CHN2: variants seen among roughly 807,000 people sequenced by gnomAD.
CHN2 encodes beta-chimaerin.
CHN2 carries 35 observed loss-of-function variants against 56.3 expected under a neutral mutation model. The observed-to-expected ratio is 0.62, with a 90% confidence interval of 0.47 to 0.82. The LOEUF (loss-of-function observed/expected upper bound fraction) is 0.82. Among genes scored for constraint, CHN2 ranks in the 40% least tolerant of loss-of-function variants. The pLI is 0.00. For missense variants in CHN2, 491 were observed against 580.5 expected, an observed-to-expected ratio of 0.85 and a Z score of 1.58; for synonymous variants, 210 against 212.8, an observed-to-expected ratio of 0.99 and a Z score of 0.12.
chr7:29,339,972 TATATA>T (rs1796918133), intron 1 of CHN2, among the ~76,000 whole-genome samples: 1 of 152,160 alleles, frequency 6.6e-6, no homozygotes, highest in Admixed American at 6.5e-5. Flanking sequence ...CAGCTGCTCT[TATATA>T]ATGTGAAAGT....
At chr7:29,431,154 A>C (rs1223728716) in intron 6 of CHN2, among the ~76,000 whole-genome samples, 1 of 152,158 alleles carries the variant, frequency 6.6e-6, no homozygotes, top group Non-Finnish European at 1.5e-5. Context: ...TAAAACGCTT[A>C]CATTTAGGGA....
chr7:29,468,140 G>A (rs1489291798), intron 6 of CHN2, among the ~76,000 whole-genome samples: 1 of 57,608 alleles, frequency 1.7e-5, no homozygotes, highest in Non-Finnish European at 3.5e-5. Context: ...AAACGGACCC[G>A]CCCCCCCCCC....
At chr7:29,311,105 C>T (rs1025678773) in intron 1 of CHN2, among the ~76,000 whole-genome samples, 3 of 152,180 alleles carry the variant, frequency 2.0e-5, no homozygotes, top group African/African-American at 7.2e-5. Context: ...GTCTCCGAGC[C>T]TTGTAGATTC....
At chr7:29,346,098 G>C (rs1022806081) in intron 1 of CHN2, among the ~76,000 whole-genome samples, 5 of 152,050 alleles carry the variant, frequency 3.3e-5, no homozygotes, top group Non-Finnish European at 7.4e-5. Context: ...AGCAAGCAAG[G>C]TCTCTAACAG....
intron 3 of CHN2, among the ~76,000 whole-genome samples, chr7:29,369,580 G>A (rs1263905908): frequency 5.9e-5 from 9 of 152,118 alleles, no homozygotes; most frequent in South Asian, 2.1e-4. Context: ...ATGTATGTGC[G>A]TGTGAAAGAG....
At chr7:29,429,298 G>A (rs1330756434) in intron 6 of CHN2, among the ~76,000 whole-genome samples, 1 of 152,200 alleles carries the variant, frequency 6.6e-6, no homozygotes, top group African/African-American at 2.4e-5. Flanking sequence ...ATTTAACCAA[G>A]TAAGTAAAAG....
chr7:29,438,343 C>T (rs1189572771), intron 6 of CHN2, among the ~76,000 whole-genome samples: 1 of 152,210 alleles, frequency 6.6e-6, no homozygotes, highest in Non-Finnish European at 1.5e-5. Flanking sequence ...TATTTGGCAA[C>T]TCAAAGGCTG....
chr7:29,302,267 C>T (rs1383797311), intron 1 of CHN2, among the ~76,000 whole-genome samples: 1 of 81,296 alleles, frequency 1.2e-5, no homozygotes, highest in Admixed American at 1.2e-4. Context: ...CTGCTTCTCC[C>T]TCTTCTTCCT....
chr7:29,415,544 T>G (rs767337190), intron 6 of CHN2, among the ~76,000 whole-genome samples: 1 of 152,156 alleles, frequency 6.6e-6, no homozygotes, highest in Non-Finnish European at 1.5e-5. Context: ...GAGAAGGCCC[T>G]TCTAAGGAAG....
intron 6 of CHN2, among the ~76,000 whole-genome samples, chr7:29,421,775 G>C (rs1405183165): frequency 6.6e-6 from 1 of 152,206 alleles, no homozygotes; most frequent in Non-Finnish European, 1.5e-5. Context: ...GGAAGGTGCT[G>C]GCCGATGGTT....
chr7:29,220,547 T>G (rs1267905209), intron 1 of CHN2, among the ~76,000 whole-genome samples: 1 of 152,034 alleles, frequency 6.6e-6, no homozygotes, highest in Non-Finnish European at 1.5e-5. Context: ...ATTTGACAAC[T>G]TAGAGAAAAT....
intron 6 of CHN2, among the ~76,000 whole-genome samples, chr7:29,472,073 T>C (rs1362363): frequency 0.46 from 69,280 of 151,868 alleles, 16,119 homozygotes; most frequent in African/African-American, 0.52. Flanking sequence ...GCAGGCTGGG[T>C]TGATAAAAGA....
chr7:29,369,033 A>G (rs952980750), intron 3 of CHN2, among the ~76,000 whole-genome samples: 2 of 152,214 alleles, frequency 1.3e-5, no homozygotes, highest in Admixed American at 1.3e-4. Flanking sequence ...TATTCAAATA[A>G]TATATTCAAT....
chr7:29,317,350 C>T (rs555096570), intron 1 of CHN2, among the ~76,000 whole-genome samples: 1 of 152,126 alleles, frequency 6.6e-6, no homozygotes, highest in African/African-American at 2.4e-5. Flanking sequence ...TCAACATATG[C>T]GTCAGAATTG....
chr7:29,445,072 C>T (rs1033700379), intron 6 of CHN2: 1 of 453,250 alleles, frequency 2.2e-6, no homozygotes, highest in Non-Finnish European at 4.4e-6. Flanking sequence ...GTCTGTTGGT[C>T]CCAGCTGGTA....
At chr7:29,339,068 A>T (rs759882833) in intron 1 of CHN2, among the ~76,000 whole-genome samples, 2 of 152,194 alleles carry the variant, frequency 1.3e-5, no homozygotes, top group Non-Finnish European at 2.9e-5. Context: ...TTTATTTTGA[A>T]CCCTCAATTA....
chr7:29,374,482 C>A (rs1799868710), intron 3 of CHN2, among the ~76,000 whole-genome samples: 1 of 152,094 alleles, frequency 6.6e-6, no homozygotes, highest in Admixed American at 6.5e-5. Flanking sequence ...AATTCACTCT[C>A]TTTGGAATAC....
At chr7:29,249,494 C>G (rs576259397) in intron 1 of CHN2, among the ~76,000 whole-genome samples, 7 of 152,220 alleles carry the variant, frequency 4.6e-5, no homozygotes, top group African/African-American at 1.7e-4. Context: ...ATGACAACGT[C>G]CTCTAGAAAC....
At chr7:29,250,863 A>G (rs993131651) in intron 1 of CHN2, among the ~76,000 whole-genome samples, 8 of 135,858 alleles carry the variant, frequency 5.9e-5, no homozygotes, top group Non-Finnish European at 1.1e-4. Context: ...GGCACCCGCC[A>G]CCATGCCAGG....
Sources: allele counts gnomAD v4.1 joint callset (sites outside exome capture counted in the v4.1 genomes callset), GRCh38; gene constraint gnomAD v4.1.1; transcripts MANE v1.5; gene names NCBI Gene and HGNC (gene_info 2026-07-23, HGNC 2026-07-21).